The following ANKRD55 variants were observed in gnomAD, a reference collection of about 807,000 sequenced individuals.
The protein encoded by ANKRD55 is ankyrin repeat domain 55.
Under a neutral mutation model 60.6 loss-of-function variants are expected in ANKRD55, and 41 were observed. The observed-to-expected ratio is 0.68, with a 90% CI of 0.53 to 0.88. The LOEUF is 0.88. Among genes scored for constraint, ANKRD55 ranks in the 40% least tolerant of loss-of-function variants. The probability of loss-of-function intolerance (pLI) is 0.00; values close to 1 mark genes in which losing one functional copy is unlikely to be tolerated. For synonymous variants in ANKRD55, 264 were observed against 290.3 expected (o/e 0.91, Z 0.92); for missense variants, 732 against 767.6 (o/e 0.95, Z 0.55).
intron 6 of ANKRD55, among the ~76,000 whole-genome samples, chr5:56,152,131 T>TC (rs397973073): frequency 3.9e-5 from 1 of 25,534 alleles, no homozygotes; most frequent in East Asian, 7.2e-4. Context: ...TTTTTTTTTT[T>TC]AGATGTTCGG....
At chr5:56,187,268 CTCACACCCGACCAA>C (rs1402460664) in intron 2 of ANKRD55, among the ~76,000 whole-genome samples, 1 of 152,210 alleles carries the variant, frequency 6.6e-6, no homozygotes, top group Admixed American at 6.5e-5. Flanking sequence ...TGCAACTTAG[CTCACACCCGACCAA>C]TCAGGTAGTA....
At chr5:56,232,967 T>C (rs1392348234) in intron 1 of ANKRD55, 21 bp from the exon 2 acceptor site, 14 of 1,538,632 alleles carry the variant, frequency 9.1e-6, no homozygotes, top group Admixed American at 3.3e-5. Context: ...GAAAACACCA[T>C]CTCAAACCTT....
intron 2 of ANKRD55, among the ~76,000 whole-genome samples, chr5:56,189,300 G>A (rs1354691170): frequency 1.5e-5 from 2 of 135,216 alleles, no homozygotes; most frequent in African/African-American, 5.5e-5. Flanking sequence ...AACAGAGCGA[G>A]ACTCTGTCTC....
chr5:56,179,404 T>C lies in ANKRD55; in HGVS notation c.182-3122A>G, dbSNP rs151127927. Among the ~76,000 whole-genome samples the C allele has an allele frequency of 8.0e-3, 1,225 of 152,290 alleles. 14 individuals are homozygous for C. Among genetic ancestry groups the C allele is most frequent in the African/African-American group, 0.028 (1,164 of 41,532 alleles). On this transcript the variant is annotated intron_variant, in intron 3 of 11. Transcript: ENST00000341048. ...TATACACCAGCTTCAGAATAGCGGT[T>C]AGTTATTTTAGAGGAATGAAGGGAA...
In ANKRD55 at chr5:56,124,540, C is replaced by T. The variant is rs1334440658; in HGVS notation, c.797+2382G>A. 1.3e-5 allele frequency among the ~76,000 whole-genome samples: 2 copies of T among 152,068 alleles called. 1 individual carries two copies. The highest frequency in any genetic ancestry group is 4.8e-5 in the African/African-American group (2 of 41,372). ...AATTTTTTTTTGAGACGGAGTCTCG[C>T]TCTGTCATCCAGGCTGGAGTGCAGT... is the stretch of plus-strand genomic sequence containing the variant. On this transcript the variant is annotated intron_variant, in intron 8 of 11. Transcript: ENST00000341048.
In ANKRD55 at chr5:56,102,429, C is replaced by T. The variant is rs113401998; in HGVS notation, c.1723+65G>A. On this transcript the variant is annotated intron_variant, in intron 11 of 11. Transcript: ENST00000341048. ...GAAAAATGAAAGTAAACGGAAATAACATTTAGTTGTGTCTAGATATGTTAA... is the reference window on the plus strand; with the variant it reads ...GAAAAATGAAAGTAAACGGAAATAATATTTAGTTGTGTCTAGATATGTTAA... 81 of 1,115,894 alleles carry T rather than the reference C, an allele frequency of 7.3e-5. No individual in the cohort carries two copies. In the African/African-American group the frequency reaches 1.1e-3, roughly 16 times the overall value. 69.1% of individuals were successfully genotyped at this position (1,115,894 alleles called of 1,614,324 possible).
At chr5:56,216,755 G>A (rs956825118) in intron 2 of ANKRD55, among the ~76,000 whole-genome samples, 1 of 152,216 alleles carries the variant, frequency 6.6e-6, no homozygotes, top group African/African-American at 2.4e-5. Context: ...TGAGAGAAAT[G>A]AGGAAGATGA....
In ANKRD55 at chr5:56,214,608, A is replaced by G. The variant is rs114583190; in HGVS notation, c.58+18248T>C. ...AGCAGCACTGGGATCTGAGTGTCCA[A>G]TCAGCTCCAGTGGCCATGGGATTTA... On this transcript the variant is annotated intron_variant, in intron 2 of 11. Transcript: ENST00000341048. Among the ~76,000 whole-genome samples the G allele has an allele frequency of 7.4e-3, 1,122 of 152,322 alleles. 16 individuals carry two copies. Among genetic ancestry groups the G allele is most frequent in the African/African-American group, 0.026 (1,066 of 41,566 alleles).
intron 9 of ANKRD55, among the ~76,000 whole-genome samples, chr5:56,113,180 G>A (rs12189104): frequency 0.016 from 2,407 of 152,222 alleles, 26 homozygotes; most frequent in Non-Finnish European, 0.023. Context: ...CCTTGGAGAG[G>A]GATCCCCGAC....
chr5:56,106,338 G>C (rs1756465877), intron 10 of ANKRD55, among the ~76,000 whole-genome samples: 1 of 150,956 alleles, frequency 6.6e-6, no homozygotes, highest in Non-Finnish European at 1.5e-5. Flanking sequence ...ACCCACTTCA[G>C]TGTAGTGCAG....
rs1375657940 is a variant in ANKRD55, at chr5:56,165,828, C to T, written c.422+4866G>A. Among the ~76,000 whole-genome samples the T allele has an allele frequency of 3.3e-5, 5 of 152,206 alleles. No individual in the cohort carries two copies. In the East Asian group the frequency reaches 9.7e-4, roughly 29 times the overall value. ...TCTGTAATCCCAGCTACTCGGGAGG[C>T]TGAGGCAGGAGAATTGCTTGAACCC... On this transcript the variant is annotated intron_variant, in intron 5 of 11. Coordinates refer to ENST00000341048, the MANE Select transcript of ANKRD55 (RefSeq NM_024669.3).
intron 10 of ANKRD55, among the ~76,000 whole-genome samples, chr5:56,109,913 G>A (rs1235301397): frequency 6.6e-6 from 1 of 152,090 alleles, no homozygotes; most frequent in African/African-American, 2.4e-5. Flanking sequence ...AGCTACTTGG[G>A]AGGCTGAGGC....
At chr5:56,161,821 A>C (rs925886103) in intron 5 of ANKRD55, among the ~76,000 whole-genome samples, 2 of 152,258 alleles carry the variant, frequency 1.3e-5, no homozygotes, top group African/African-American at 4.8e-5. Flanking sequence ...GACTGCATAC[A>C]GTACATCTCT....
At chr5:56,207,231 G>T (rs577068150) in intron 2 of ANKRD55, among the ~76,000 whole-genome samples, 3 of 152,170 alleles carry the variant, frequency 2.0e-5, no homozygotes, top group South Asian at 4.1e-4. Flanking sequence ...ATCTAGGCAG[G>T]TTAGATGACT....
At chr5:56,166,103 T>TTTCTTTCTTTCTTTCTTCC (rs1554040790) in intron 5 of ANKRD55, among the ~76,000 whole-genome samples, 3 of 50,734 alleles carry the variant, frequency 5.9e-5, no homozygotes, top group Non-Finnish European at 1.3e-4. Flanking sequence ...TCTTTCTTTC[T>TTTCTTTCTTTCTTTCTTCC]TTCTTTCTTT....
At chr5:56,154,646 G>A (rs1011603608) in intron 6 of ANKRD55, among the ~76,000 whole-genome samples, 4 of 140,876 alleles carry the variant, frequency 2.8e-5, no homozygotes, top group Non-Finnish European at 6.0e-5. Flanking sequence ...GTGCAGTCAC[G>A]CCATCTCAGA....
chr5:56,201,436 CAT>C (rs775080087), intron 2 of ANKRD55, among the ~76,000 whole-genome samples: 7 of 152,192 alleles, frequency 4.6e-5, no homozygotes, highest in African/African-American at 4.8e-5. Flanking sequence ...AAATTAGTCT[CAT>C]GTGACTTTTT....
intron 5 of ANKRD55, among the ~76,000 whole-genome samples, chr5:56,166,111 T>TTTCTTTCTTTCTTTCTTTCTTTCTTTC (rs1758453954): frequency 1.4e-4 from 11 of 76,120 alleles, no homozygotes; most frequent in African/African-American, 6.8e-4. Context: ...TCTTTCTTTC[T>TTTCTTTCTTTCTTTCTTTCTTTCTTTC]TTCTTTCTTT....
intron 7 of ANKRD55, among the ~76,000 whole-genome samples, chr5:56,135,211 T>TTTAC (rs1757526327): frequency 8.4e-6 from 1 of 118,372 alleles, no homozygotes; most frequent in African/African-American, 3.7e-5. Flanking sequence ...GTCTCACAAC[T>TTTAC]TTCCTTCCTT....
Sources: gnomAD v4.1 joint callset for allele counts (sites outside exome capture counted in the v4.1 genomes callset) on GRCh38, gnomAD v4.1.1 for gene constraint, MANE v1.5 for transcripts, NCBI Gene and HGNC (gene_info 2026-07-23, HGNC 2026-07-21) for gene names.